Variants in TAS2R1 observed in about 807,000 individuals in gnomAD.
TAS2R1 encodes the protein taste 2 receptor member 1, also known as taste receptor type 2 member 1.
For missense variants in TAS2R1, 370 were observed against 353.4 expected, an observed-to-expected ratio of 1.05 and a Z score of -0.38; for synonymous variants, 141 against 134.2, an observed-to-expected ratio of 1.05 and a Z score of -0.35.
chr5:9,779,898 A>G, the TAS2R1 span, among the ~76,000 whole-genome samples: 1 of 152,218 alleles, frequency 6.6e-6, no homozygotes, highest in Non-Finnish European at 1.5e-5. Context: ...GAGAAGCACA[A>G]TAAAATGAGA....
intron 1 of TAS2R1, among the ~76,000 whole-genome samples, chr5:9,707,881 A>AACAACACTTTG (rs1741650296): frequency 6.6e-6 from 1 of 152,056 alleles, no homozygotes; most frequent in Non-Finnish European, 1.5e-5. Flanking sequence ...CACTGGCTAG[A>AACAACACTTTG]ACAACACTTT....
chr5:9,668,233 A>T (rs2126500630), intron 1 of TAS2R1, among the ~76,000 whole-genome samples: 1 of 152,320 alleles, frequency 6.6e-6, no homozygotes, highest in African/African-American at 2.4e-5. Flanking sequence ...AATAAGGAAG[A>T]ATGACAAAAA....
chr5:9,733,496 A>G, the TAS2R1 span, among the ~76,000 whole-genome samples: 1 of 152,372 alleles, frequency 6.6e-6, no homozygotes, highest in South Asian at 2.1e-4. Flanking sequence ...AATGGGTCTG[A>G]AACCAGTGGA....
chr5:9,897,407 C>T, the TAS2R1 span, among the ~76,000 whole-genome samples: 1 of 152,208 alleles, frequency 6.6e-6, no homozygotes, highest in African/African-American at 2.4e-5. Context: ...CGAGATCACG[C>T]CGCTGCACTC....
chr5:9,775,372 G>A, the TAS2R1 span, among the ~76,000 whole-genome samples: 2 of 152,164 alleles, frequency 1.3e-5, no homozygotes, highest in African/African-American at 2.4e-5. Flanking sequence ...TGCTGTCTGA[G>A]AGCCAACTTC....
At chr5:9,839,363 C>A in the TAS2R1 span, among the ~76,000 whole-genome samples, 146 of 152,300 alleles carry the variant, frequency 9.6e-4, no homozygotes, top group African/African-American at 3.4e-3. Context: ...AAAATAACAT[C>A]CTGTTGTACA....
chr5:9,717,494 C>T, the TAS2R1 span, among the ~76,000 whole-genome samples: 1 of 151,808 alleles, frequency 6.6e-6, no homozygotes, highest in Non-Finnish European at 1.5e-5. Context: ...TTAATGGAGA[C>T]AGACACATTA....
the TAS2R1 span, among the ~76,000 whole-genome samples, chr5:9,777,689 A>C: frequency 2.0e-5 from 3 of 152,214 alleles, no homozygotes; most frequent in East Asian, 5.8e-4. Flanking sequence ...CTTTGCCCAG[A>C]TCCATCACAG....
chr5:9,784,916 T>C, the TAS2R1 span, among the ~76,000 whole-genome samples: 1 of 152,218 alleles, frequency 6.6e-6, no homozygotes, highest in East Asian at 1.9e-4. Context: ...GGAAGACTGT[T>C]TATAAATAAC....
intron 1 of TAS2R1, among the ~76,000 whole-genome samples, chr5:9,683,883 T>A (rs1741076021): frequency 6.6e-6 from 1 of 152,196 alleles, no homozygotes; most frequent in Non-Finnish European, 1.5e-5. Flanking sequence ...AGCTCAAGGT[T>A]TTGATTCTTT....
chr5:9,790,891 C>A, the TAS2R1 span, among the ~76,000 whole-genome samples: 2 of 152,196 alleles, frequency 1.3e-5, no homozygotes, highest in Non-Finnish European at 2.9e-5. Context: ...CCACCCACTT[C>A]TGCCTCTCAA....
the TAS2R1 span, among the ~76,000 whole-genome samples, chr5:9,801,655 C>T: frequency 2.6e-3 from 397 of 152,206 alleles, 1 homozygote; most frequent in African/African-American, 8.7e-3. Flanking sequence ...GGTCACTGGC[C>T]GCCTGGAAAT....
chr5:9,782,465 G>A, the TAS2R1 span, among the ~76,000 whole-genome samples: 1 of 151,640 alleles, frequency 6.6e-6, no homozygotes, highest in Non-Finnish European at 1.5e-5. Context: ...GTGGGGCGGG[G>A]CGGGGCTGGG....
chr5:9,888,637 C>T, the TAS2R1 span, among the ~76,000 whole-genome samples: 1 of 152,162 alleles, frequency 6.6e-6, no homozygotes, highest in Non-Finnish European at 1.5e-5. Flanking sequence ...CCCAAAAGTC[C>T]CAGATTTCAC....
At chr5:9,795,773 A>C in the TAS2R1 span, among the ~76,000 whole-genome samples, 3 of 152,196 alleles carry the variant, frequency 2.0e-5, no homozygotes, top group Admixed American at 2.0e-4. Flanking sequence ...CCTTGTGCTC[A>C]GAGGAACATG....
At chr5:9,900,618 GTTT>G in the TAS2R1 span, among the ~76,000 whole-genome samples, 363 of 119,930 alleles carry the variant, frequency 3.0e-3, no homozygotes, top group Middle Eastern at 0.029. Context: ...TGCTCAAATG[GTTT>G]TTTTTTTTTT....
chr5:9,725,071 A>T, the TAS2R1 span, among the ~76,000 whole-genome samples: 1 of 152,214 alleles, frequency 6.6e-6, no homozygotes, highest in East Asian at 1.9e-4. Flanking sequence ...CGTAGTGTAC[A>T]GGTGATGAGG....
chr5:9,688,704 C>CA (rs1488805288), intron 1 of TAS2R1, among the ~76,000 whole-genome samples: 1 of 152,202 alleles, frequency 6.6e-6, no homozygotes, highest in Non-Finnish European at 1.5e-5. Flanking sequence ...ATGCACAGAA[C>CA]AGGGCAGAAA....
chr5:9,766,272 T>G, the TAS2R1 span, among the ~76,000 whole-genome samples: 4 of 152,248 alleles, frequency 2.6e-5, no homozygotes, highest in Non-Finnish European at 4.4e-5. Context: ...GTGAAATAAA[T>G]GTTTACAAAT....
Sources: gnomAD v4.1 joint callset for allele counts (sites outside exome capture counted in the v4.1 genomes callset) on GRCh38, gnomAD v4.1.1 for gene constraint, MANE v1.5 for transcripts, NCBI Gene and HGNC (gene_info 2026-07-23, HGNC 2026-07-21) for gene names.